Variants in CHMP3 observed in about 807,000 individuals in gnomAD.
CHMP3 encodes 25.1 protein.
Under a neutral mutation model 27.4 loss-of-function variants are expected in CHMP3, and 8 were observed. The observed-to-expected ratio is 0.29, with a 90% CI of 0.17 to 0.53. The LOEUF (loss-of-function observed/expected upper bound fraction) is 0.53. Among genes scored for constraint, CHMP3 ranks in the 20% least tolerant of loss-of-function variants. The pLI is 0.96. For missense variants in CHMP3, 208 were observed against 271.5 expected (o/e 0.77, Z 1.64); for synonymous variants, 86 against 85.5 (o/e 1.01, Z -0.03).
chr2:86,543,297 A>T (rs1676433281), intron 1 of CHMP3, among the ~76,000 whole-genome samples: 1 of 152,246 alleles, frequency 6.6e-6, no homozygotes, highest in Non-Finnish European at 1.5e-5. Context: ...TCTGTAAAAT[A>T]TTTATTATGC....
At chr2:86,541,743 T>A in intron 2 of CHMP3, among the ~76,000 whole-genome samples, 1 of 152,174 alleles carries the variant, frequency 6.6e-6, no homozygotes, top group Non-Finnish European at 1.5e-5. Flanking sequence ...GGGAGTGGAA[T>A]TTCCCTCTCC....
At position 86,513,015 on chromosome 2, in the gene CHMP3, A is replaced by G. The variant is rs568542698; in HGVS notation, c.287-2536T>C. Among the ~76,000 whole-genome samples the G allele has an allele frequency of 2.0e-5, 3 of 152,372 alleles. No individual in the cohort carries two copies. In the East Asian group the frequency reaches 5.8e-4, roughly 29 times the overall value. Reference sequence around the variant, plus strand: ...GCAAGTGTGCTCCTTGGTAGTTATCATAATGAATTAAAAATATGTCCACAG... The same window carrying G: ...GCAAGTGTGCTCCTTGGTAGTTATCGTAATGAATTAAAAATATGTCCACAG... On this transcript the variant is annotated intron_variant, in intron 3 of 5. Transcript: ENST00000263856.
chr2:86,558,437 GACCTTAA>G (rs1677213266), intron 1 of CHMP3, among the ~76,000 whole-genome samples: 2 of 152,256 alleles, frequency 1.3e-5, no homozygotes, highest in Admixed American at 6.5e-5. Flanking sequence ...GGGACTACCT[GACCTTAA>G]ACCCTACTAA....
At chr2:86,556,008 T>G (rs1447644661) in intron 1 of CHMP3, among the ~76,000 whole-genome samples, 1 of 152,184 alleles carries the variant, frequency 6.6e-6, no homozygotes, top group Non-Finnish European at 1.5e-5. Context: ...TTAAAGATTT[T>G]TTTACATATT....
At chr2:86,514,780 T>C (rs938802925) in intron 3 of CHMP3, among the ~76,000 whole-genome samples, 1 of 152,180 alleles carries the variant, frequency 6.6e-6, no homozygotes, top group African/African-American at 2.4e-5. Context: ...GACTAGAGCA[T>C]TCAAAGTATC....
chr2:86,550,073 T>C (rs1236498742), intron 1 of CHMP3, among the ~76,000 whole-genome samples: 1 of 152,172 alleles, frequency 6.6e-6, no homozygotes, highest in African/African-American at 2.4e-5. Flanking sequence ...GCCACTGCAC[T>C]CCAGCCTGGG....
intron 3 of CHMP3, chr2:86,527,388 A>T (rs1399184606): frequency 6.6e-6 from 1 of 152,250 alleles, no homozygotes; most frequent in Non-Finnish European, 1.5e-5. Flanking sequence ...AAAAAGGCAA[A>T]ATAAGCAATA....
chr2:86,534,721 GTC>G (rs1401644630), intron 2 of CHMP3, among the ~76,000 whole-genome samples: 2 of 151,844 alleles, frequency 1.3e-5, no homozygotes, highest in African/African-American at 4.8e-5. Context: ...AATGTCCTTT[GTC>G]TCATATAATC....
intron 2 of CHMP3, among the ~76,000 whole-genome samples, chr2:86,530,698 G>T (rs1263591659): frequency 6.6e-6 from 1 of 152,202 alleles, no homozygotes; most frequent in Non-Finnish European, 1.5e-5. Context: ...AAGTAGAACT[G>T]TTAGGTTATA....
At chr2:86,545,442 T>A (rs1203976891) in intron 1 of CHMP3, among the ~76,000 whole-genome samples, 1 of 119,150 alleles carries the variant, frequency 8.4e-6, no homozygotes, top group African/African-American at 3.3e-5. Flanking sequence ...GAGGCGCTCC[T>A]CACTCCCCAC....
chr2:86,543,888 T>G (rs927495581), intron 1 of CHMP3, among the ~76,000 whole-genome samples: 2 of 152,264 alleles, frequency 1.3e-5, no homozygotes, highest in Non-Finnish European at 2.9e-5. Context: ...TTTTAAAGTA[T>G]ACAATTCACT....
intron 3 of CHMP3, among the ~76,000 whole-genome samples, chr2:86,522,949 A>G (rs1675569205): frequency 6.6e-6 from 1 of 152,138 alleles, no homozygotes; most frequent in Non-Finnish European, 1.5e-5. Flanking sequence ...AAATATTTCA[A>G]CTGTGCCTTT....
At chr2:86,528,715 G>C (rs1490248423) in intron 3 of CHMP3, among the ~76,000 whole-genome samples, 2 of 152,174 alleles carry the variant, frequency 1.3e-5, no homozygotes, top group East Asian at 3.8e-4. Flanking sequence ...GTTCCTAAAA[G>C]TCATCTAAAA....
At position 86,526,358 on chromosome 2, in the gene CHMP3, A is replaced by C. The variant is rs181241340; in HGVS notation, c.286+2860T>G. 2.7e-3 allele frequency among the ~76,000 whole-genome samples: 414 copies of C among 152,354 alleles called. 4 individuals are homozygous for C. Among genetic ancestry groups the C allele is most frequent in the Middle Eastern group, 6.8e-3 (2 of 294 alleles). On this transcript the variant is annotated intron_variant, in intron 3 of 5. Coordinates refer to ENST00000263856, the MANE Select transcript of CHMP3 (RefSeq NM_016079.4). ...TAACACAAGATAACATTTCTCAAAA[A>C]TAAAAAAGTCTGACAATACCAAGTC...
intron 3 of CHMP3, among the ~76,000 whole-genome samples, chr2:86,515,558 T>A (rs1199566915): frequency 6.6e-6 from 1 of 152,036 alleles, no homozygotes; most frequent in East Asian, 1.9e-4. Flanking sequence ...TGACCTCAGG[T>A]GATCCACCCG....
At chr2:86,529,790 T>C (rs1250701780) in intron 2 of CHMP3, among the ~76,000 whole-genome samples, 2 of 152,210 alleles carry the variant, frequency 1.3e-5, no homozygotes, top group African/African-American at 4.8e-5. Flanking sequence ...CTGAACATAT[T>C]ATAAGTCTCA....
intron 2 of CHMP3, among the ~76,000 whole-genome samples, chr2:86,530,147 G>A (rs1007551243): frequency 1.3e-5 from 2 of 151,878 alleles, no homozygotes; most frequent in Non-Finnish European, 2.9e-5. Context: ...CACCCACCAC[G>A]ATGCCTGGCT....
chr2:86,511,785 T>C (rs1392235934), intron 3 of CHMP3: 2 of 152,068 alleles, frequency 1.3e-5, no homozygotes, highest in Non-Finnish European at 2.9e-5. Context: ...CCAGAGAGAG[T>C]ACCTGAACAT....
chr2:86,560,716 A>AG (rs1372931582), intron 1 of CHMP3, among the ~76,000 whole-genome samples: 1 of 152,128 alleles, frequency 6.6e-6, no homozygotes, highest in African/African-American at 2.4e-5. Context: ...TAAAAAAAAA[A>AG]AAAAGAAAAG....
Sources: allele counts gnomAD v4.1 joint callset (sites outside exome capture counted in the v4.1 genomes callset), GRCh38; gene constraint gnomAD v4.1.1; transcripts MANE v1.5; gene names NCBI Gene and HGNC (gene_info 2026-07-23, HGNC 2026-07-21).